Variants in ATXN1 observed in about 807,000 individuals in gnomAD.
ATXN1 encodes the protein ataxin 1.
ATXN1 carries 8 observed loss-of-function variants against 56.4 expected under a neutral mutation model. The observed-to-expected ratio is 0.14, with a 90% CI of 0.08 to 0.26. The LOEUF (loss-of-function observed/expected upper bound fraction) is 0.26, where lower values mean the gene tolerates loss of function less well. Among genes scored for constraint, ATXN1 ranks in the 10% least tolerant of loss-of-function variants. ATXN1 has a pLI of 1.00. For missense variants in ATXN1, 987 were observed against 1,106.5 expected, an observed-to-expected ratio of 0.89 and a Z score of 1.53; for synonymous variants, 514 against 494.6, an observed-to-expected ratio of 1.04 and a Z score of -0.52.
intron 2 of ATXN1, among the ~76,000 whole-genome samples, chr6:16,660,257 A>C (rs1009378634): frequency 1.3e-5 from 2 of 152,246 alleles, no homozygotes; most frequent in Admixed American, 6.5e-5. Flanking sequence ...ATTTGAAGTT[A>C]TCATAAGCAA....
rs113145342 is a variant in ATXN1, at chr6:16,344,538, G to A, written c.-160-16068C>T. 8.9e-4 allele frequency among the ~76,000 whole-genome samples: 136 copies of A among 152,280 alleles called. 1 individual carries two copies. The highest frequency in any genetic ancestry group is 3.4e-3 in the Middle Eastern group (1 of 294). ...GTCTTCTGGCCTTCATCTTTTTCTC[G>A]TGCTGGATGCTTCCTGCCCTCGAAC... is the stretch of plus-strand genomic sequence containing the variant. On this transcript the variant is annotated intron_variant, in intron 6 of 7. Transcript: ENST00000436367.
At chr6:16,551,253 A>T (rs1345284819) in intron 4 of ATXN1, among the ~76,000 whole-genome samples, 2 of 152,178 alleles carry the variant, frequency 1.3e-5, no homozygotes, top group African/African-American at 2.4e-5. Flanking sequence ...CCCTTAGAAC[A>T]CATAAAGGAA....
chr6:16,694,666 A>C (rs988049193), intron 2 of ATXN1, among the ~76,000 whole-genome samples: 3 of 152,220 alleles, frequency 2.0e-5, no homozygotes, highest in Admixed American at 6.5e-5. Flanking sequence ...ACTACATTTC[A>C]GAGCTGAGAG....
At chr6:16,554,304 G>A (rs181463011) in intron 4 of ATXN1, among the ~76,000 whole-genome samples, 2 of 152,282 alleles carry the variant, frequency 1.3e-5, no homozygotes, top group South Asian at 2.1e-4. Context: ...TCTACTATGC[G>A]TTTAGCCCTG....
intron 3 of ATXN1, among the ~76,000 whole-genome samples, chr6:16,644,271 C>A (rs1763761293): frequency 6.6e-6 from 1 of 152,298 alleles, no homozygotes; most frequent in South Asian, 2.1e-4. Flanking sequence ...CGCCCCAGCA[C>A]TTTGGGAGGC....
chr6:16,322,671 A>G (rs1304812864), intron 7 of ATXN1, among the ~76,000 whole-genome samples: 1 of 152,214 alleles, frequency 6.6e-6, no homozygotes, highest in African/African-American at 2.4e-5. Context: ...AAGGCACTGC[A>G]GAGGGGAGAA....
chr6:16,553,383 G>A (rs1026417143), intron 4 of ATXN1, among the ~76,000 whole-genome samples: 2 of 152,154 alleles, frequency 1.3e-5, no homozygotes, highest in Non-Finnish European at 2.9e-5. Flanking sequence ...TGGAAGTCCT[G>A]CATGGCCTTC....
chr6:16,566,629 G>A lies in ATXN1; in HGVS notation c.-361+19151C>T, dbSNP rs191224991. Among the ~76,000 whole-genome samples the A allele has an allele frequency of 4.4e-3, 666 of 152,098 alleles. 3 individuals are homozygous for A. Among genetic ancestry groups the A allele is most frequent in the Non-Finnish European group, 7.4e-3 (502 of 67,960 alleles). ...AGCACTTTGGGAGGCCACGGCGGGC[G>A]GATCACGAGGTCAGGAGATCAAGAC... On this transcript the variant is annotated intron_variant, in intron 4 of 7. Coordinates refer to ENST00000436367, the MANE Select transcript of ATXN1 (RefSeq NM_001128164.2).
intron 6 of ATXN1, among the ~76,000 whole-genome samples, chr6:16,336,441 C>G (rs1761125220): frequency 6.6e-6 from 1 of 152,062 alleles, no homozygotes; most frequent in East Asian, 1.9e-4. Context: ...GATCAGTGAC[C>G]AAGGAAGAGA....
chr6:16,696,953 T>C (rs1361074706), intron 2 of ATXN1, among the ~76,000 whole-genome samples: 3 of 152,234 alleles, frequency 2.0e-5, no homozygotes, highest in African/African-American at 7.2e-5. Context: ...ATTCTTGCTA[T>C]ATAAACATGG....
At chr6:16,586,890 G>A (rs368078692) in intron 3 of ATXN1, among the ~76,000 whole-genome samples, 69 of 152,064 alleles carry the variant, frequency 4.5e-4, no homozygotes, top group African/African-American at 1.2e-3. Flanking sequence ...ATGGTGGTGC[G>A]TGCCCGTAAT....
rs1387363793 is a variant in ATXN1, at chr6:16,305,737, T to C, written c.*592A>G. 3 of 152,790 alleles carry C rather than the reference T, an allele frequency of 2.0e-5. No homozygotes were observed. Among genetic ancestry groups the C allele is most frequent in the African/African-American group, 7.2e-5 (3 of 41,480 alleles). 9.5% of individuals were successfully genotyped at this position (152,790 alleles called of 1,614,324 possible). ...ATATGTTGGAGAGAAAAATGTTCTT[T>C]TAAATGGTTAACTTTCCAAATCTGC... On this transcript the variant is annotated 3_prime_UTR_variant, in exon 8 of 8. Transcript: ENST00000436367.
In ATXN1 at chr6:16,527,583, C is replaced by T. The variant is rs1036995731; in HGVS notation, c.-360-4895G>A. Among the ~76,000 whole-genome samples, 8 of 152,248 alleles carry T rather than the reference C, an allele frequency of 5.3e-5. No homozygotes were observed. In the East Asian group the frequency reaches 1.4e-3, roughly 26 times the overall value. On this transcript the variant is annotated intron_variant, in intron 4 of 7. Coordinates refer to ENST00000436367, the MANE Select transcript of ATXN1 (RefSeq NM_001128164.2). ...TGACAGTCCCTTACAACAAATGCTCCCTAAATGCTTCATCCCTGGTCCAGC... is the reference window on the plus strand; with the variant it reads ...TGACAGTCCCTTACAACAAATGCTCTCTAAATGCTTCATCCCTGGTCCAGC...
In ATXN1 at chr6:16,525,648, C is replaced by A. The variant is rs145429894; in HGVS notation, c.-360-2960G>T. Among the ~76,000 whole-genome samples, 420 of 152,154 alleles carry A rather than the reference C, an allele frequency of 2.8e-3. 4 individuals carry two copies. The highest frequency in any genetic ancestry group is 9.7e-3 in the African/African-American group (403 of 41,498). On this transcript the variant is annotated intron_variant, in intron 4 of 7. Coordinates refer to ENST00000436367, the MANE Select transcript of ATXN1 (RefSeq NM_001128164.2). ...GTGACTATAGTCAATAATAACTGTA[C>A]ATTTTAAAATAAAGAGTATAACTGG...
intron 2 of ATXN1, among the ~76,000 whole-genome samples, chr6:16,698,598 G>C (rs1231277841): frequency 6.8e-6 from 1 of 147,734 alleles, no homozygotes; most frequent in Middle Eastern, 3.2e-3. Context: ...GAATGATTAA[G>C]TGGAAATGTT....
intron 6 of ATXN1, among the ~76,000 whole-genome samples, chr6:16,395,100 C>T (rs1303735878): frequency 1.6e-4 from 24 of 151,614 alleles, no homozygotes; most frequent in Admixed American, 1.6e-3. Context: ...GGAGAAATCC[C>T]GTCTCTACTA....
At chr6:16,736,335 C>A (rs1760129898) in intron 2 of ATXN1, among the ~76,000 whole-genome samples, 1 of 152,144 alleles carries the variant, frequency 6.6e-6, no homozygotes, top group South Asian at 2.1e-4. Context: ...TGTGTTCTTT[C>A]TTTAACAGTT....
chr6:16,379,097 A>G (rs566661456), intron 6 of ATXN1, among the ~76,000 whole-genome samples: 2 of 152,374 alleles, frequency 1.3e-5, no homozygotes, highest in Non-Finnish European at 2.9e-5. Flanking sequence ...GGAATGAATT[A>G]ACAGCATTTG....
intron 6 of ATXN1, among the ~76,000 whole-genome samples, chr6:16,443,888 G>T (rs1235805705): frequency 1.3e-5 from 2 of 152,132 alleles, no homozygotes; most frequent in African/African-American, 4.8e-5. Flanking sequence ...AGGCCAAGGA[G>T]GGCCGATCAC....
Sources: allele counts gnomAD v4.1 joint callset (sites outside exome capture counted in the v4.1 genomes callset), GRCh38; gene constraint gnomAD v4.1.1; transcripts MANE v1.5; gene names NCBI Gene and HGNC (gene_info 2026-07-23, HGNC 2026-07-21).